KIRREL3: variants seen among roughly 807,000 people sequenced by gnomAD.
The protein encoded by KIRREL3 is kirre like nephrin family adhesion molecule 3.
KIRREL3 carries 36 observed loss-of-function variants against 89.7 expected under a neutral mutation model. That is an observed-to-expected ratio of 0.40 (90% CI 0.31 to 0.53). KIRREL3 has a LOEUF of 0.53. Ranked by LOEUF, KIRREL3 falls within the 20% of genes least tolerant of loss-of-function variation. The pLI, the probability that KIRREL3 is intolerant of heterozygous loss-of-function variation, is 0.49. For synonymous variants in KIRREL3, 445 were observed against 441.4 expected (o/e 1.01, Z -0.10); for missense variants, 864 against 1,056.6 (o/e 0.82, Z 2.53).
intron 1 of KIRREL3, among the ~76,000 whole-genome samples, chr11:126,722,424 C>T (rs1948211600): frequency 6.6e-6 from 1 of 152,210 alleles, no homozygotes; most frequent in South Asian, 2.1e-4. Flanking sequence ...TTTATGTTTT[C>T]TGTTTAGCTC....
At chr11:126,852,512 C>G (rs1215818609) in intron 1 of KIRREL3, among the ~76,000 whole-genome samples, 1 of 152,120 alleles carries the variant, frequency 6.6e-6, no homozygotes, top group Admixed American at 6.6e-5. Flanking sequence ...CAACTATGTG[C>G]CATATATATA....
chr11:126,724,973 C>A lies in KIRREL3; in HGVS notation c.56-162061G>T, dbSNP rs1948322008. 6.6e-6 allele frequency among the ~76,000 whole-genome samples: 1 copy of A among 152,144 alleles called. No individual in the cohort carries two copies. Among genetic ancestry groups the A allele is most frequent in the Admixed American group, 6.5e-5 (1 of 15,280 alleles). On this transcript the variant is annotated intron_variant, in intron 1 of 16. Coordinates refer to ENST00000525144, the MANE Select transcript of KIRREL3 (RefSeq NM_032531.4). This position sits in a 1 kb window ranked among gnomAD's most constrained non-coding sequence, Gnocchi z 4.3. Reference sequence around the variant, plus strand: ...AGGAGTAGATATTCTTATTTCTGTTCTTCAGATGAAGAGACAGAGGTTCAG... The same window carrying A: ...AGGAGTAGATATTCTTATTTCTGTTATTCAGATGAAGAGACAGAGGTTCAG...
intron 1 of KIRREL3, among the ~76,000 whole-genome samples, chr11:126,798,800 CA>C (rs1565740562): frequency 6.6e-6 from 1 of 152,136 alleles, no homozygotes; most frequent in East Asian, 1.9e-4. Context: ...ACTGAGGAGG[CA>C]AAATGCTATA....
chr11:126,729,012 C>A lies in KIRREL3; in HGVS notation c.56-166100G>T, dbSNP rs959307972. 6.6e-6 allele frequency among the ~76,000 whole-genome samples: 1 copy of A among 152,148 alleles called. No individual in the cohort carries two copies. Among genetic ancestry groups the A allele is most frequent in the Non-Finnish European group, 1.5e-5 (1 of 68,034 alleles). On this transcript the variant is annotated intron_variant, in intron 1 of 16. Transcript: ENST00000525144. This position sits in a 1 kb window ranked among gnomAD's most constrained non-coding sequence, Gnocchi z 4.5. ...TGCTGAGGAGACCTTGAGGAGGAGGCTTTTGGGGCAGGCATGCCTGTTGCA... is the reference window on the plus strand; with the variant it reads ...TGCTGAGGAGACCTTGAGGAGGAGGATTTTGGGGCAGGCATGCCTGTTGCA...
chr11:126,633,952 A>G (rs527861299), intron 1 of KIRREL3, among the ~76,000 whole-genome samples: 2 of 152,324 alleles, frequency 1.3e-5, no homozygotes, highest in African/African-American at 4.8e-5. Context: ...CTCTTCATAC[A>G]GTATTTCTTA....
intron 5 of KIRREL3, among the ~76,000 whole-genome samples, chr11:126,467,867 A>T (rs1390394934): frequency 6.6e-6 from 1 of 152,236 alleles, no homozygotes; most frequent in South Asian, 2.1e-4. Context: ...CTAGGCCCCT[A>T]AGCTGGGCAG....
In KIRREL3 at chr11:126,557,172, C is replaced by G. The variant is rs1215688981; in HGVS notation, c.133+5663G>C. ...CCAAGGACCCTGGCCTGCTGCTTCCCCTCTGCCCTGAGAAAAGCACAGCTC... is the reference window on the plus strand; with the variant it reads ...CCAAGGACCCTGGCCTGCTGCTTCCGCTCTGCCCTGAGAAAAGCACAGCTC... On this transcript the variant is annotated intron_variant, in intron 2 of 16. Transcript: ENST00000525144. The surrounding 1 kb of genome is among the most constrained non-coding windows in gnomAD (Gnocchi z 5.6). Among the ~76,000 whole-genome samples, 1 of 152,164 alleles carries G rather than the reference C, an allele frequency of 6.6e-6. No homozygotes were observed. Among genetic ancestry groups the G allele is most frequent in the East Asian group, 1.9e-4 (1 of 5,188 alleles).
intron 5 of KIRREL3, among the ~76,000 whole-genome samples, chr11:126,466,952 C>A (rs1956743690): frequency 6.6e-6 from 1 of 152,234 alleles, no homozygotes; most frequent in Non-Finnish European, 1.5e-5. Flanking sequence ...GTGCTGCCAG[C>A]CCCCGGCTCG....
At position 126,664,853 on chromosome 11, in the gene KIRREL3, T is replaced by C. The variant is rs1945584071; in HGVS notation, c.56-101941A>G. Among the ~76,000 whole-genome samples the C allele has an allele frequency of 6.6e-6, 1 of 152,204 alleles. No homozygotes were observed. Among genetic ancestry groups the C allele is most frequent in the South Asian group, 2.1e-4 (1 of 4,828 alleles). On this transcript the variant is annotated intron_variant, in intron 1 of 16. Transcript: ENST00000525144. This position sits in a 1 kb window ranked among gnomAD's most constrained non-coding sequence, Gnocchi z 5.4. ...CTTGTGCCCTTAGACAGGGGGGCAT[T>C]CCCTGCCTCAACCACAGGTAGCTGG...
rs1045310202 is a variant in KIRREL3 at position 126,569,546 on chromosome 11, C to A, written c.56-6634G>T. Reference sequence around the variant, plus strand: ...AAAAAATAGTAGGCAAACTTCCTAGCCCAAAGATACTATAATCCAGTTGGC... The same window carrying A: ...AAAAAATAGTAGGCAAACTTCCTAGACCAAAGATACTATAATCCAGTTGGC... On this transcript the variant is annotated intron_variant, in intron 1 of 16. Coordinates refer to ENST00000525144, the MANE Select transcript of KIRREL3 (RefSeq NM_032531.4). The surrounding 1 kb of genome is among the most constrained non-coding windows in gnomAD (Gnocchi z 6.5). Among the ~76,000 whole-genome samples the A allele has an allele frequency of 3.3e-5, 5 of 152,150 alleles. No homozygotes were observed. The highest frequency in any genetic ancestry group is 1.2e-4 in the African/African-American group (5 of 41,426).
At chr11:126,939,810 G>A (rs1007178707) in intron 1 of KIRREL3, among the ~76,000 whole-genome samples, 1 of 152,108 alleles carries the variant, frequency 6.6e-6, no homozygotes, top group African/African-American at 2.4e-5. Context: ...CACCATGAAT[G>A]TAATGAATCT....
At chr11:126,472,469 C>T (rs1956921851) in intron 5 of KIRREL3, among the ~76,000 whole-genome samples, 1 of 152,106 alleles carries the variant, frequency 6.6e-6, no homozygotes, top group Non-Finnish European at 1.5e-5. Context: ...GGCACTGATC[C>T]CATTTATGAA....
At chr11:126,434,899 C>T (rs942274521) in intron 13 of KIRREL3, among the ~76,000 whole-genome samples, 1 of 152,002 alleles carries the variant, frequency 6.6e-6, no homozygotes, top group African/African-American at 2.4e-5. Context: ...CGGGAAGGGT[C>T]GGAGAGAGCC....
chr11:126,925,066 T>C (rs1947644235), intron 1 of KIRREL3, among the ~76,000 whole-genome samples: 1 of 140,144 alleles, frequency 7.1e-6, no homozygotes, highest in South Asian at 2.5e-4. Flanking sequence ...ATGTACACTT[T>C]TGCACAGCTT....
rs769493937 is a variant in KIRREL3, at chr11:126,489,439, G to A, written c.434-15973C>T. Among the ~76,000 whole-genome samples the A allele has an allele frequency of 1.3e-5, 2 of 152,146 alleles. No individual in the cohort carries two copies. The highest frequency in any genetic ancestry group is 2.4e-5 in the African/African-American group (1 of 41,432). On this transcript the variant is annotated intron_variant, in intron 4 of 16. Transcript: ENST00000525144. The surrounding 1 kb of genome is among the most constrained non-coding windows in gnomAD (Gnocchi z 5.5). ...TTCCAGAGGGGATACTTTGGGAGGCGCAGATCTAGGACACATTGATAAGCA... is the reference window on the plus strand; with the variant it reads ...TTCCAGAGGGGATACTTTGGGAGGCACAGATCTAGGACACATTGATAAGCA...
intron 4 of KIRREL3, among the ~76,000 whole-genome samples, chr11:126,504,231 G>C (rs1480483481): frequency 1.3e-5 from 2 of 152,120 alleles, no homozygotes; most frequent in Non-Finnish European, 2.9e-5. Context: ...ATTCCAGCCT[G>C]AGTCCCTCAT....
At chr11:126,616,399 G>C (rs1229363180) in intron 1 of KIRREL3, among the ~76,000 whole-genome samples, 1 of 152,174 alleles carries the variant, frequency 6.6e-6, no homozygotes, top group Non-Finnish European at 1.5e-5. Context: ...TAACTTGAAA[G>C]AAAATTAAGT....
chr11:126,732,470 T>C (rs1343346115), intron 1 of KIRREL3, among the ~76,000 whole-genome samples: 1 of 152,118 alleles, frequency 6.6e-6, no homozygotes, highest in East Asian at 1.9e-4. Flanking sequence ...ACCCTAGCGC[T>C]CTCTGGTCAA....
In KIRREL3 at chr11:126,683,495, C is replaced by T. The variant is rs1174227399; in HGVS notation, c.56-120583G>A. ...TCTCTGCATGACTTTAGGAAAGTCA[C>T]TAGACTTCTTTAACCATTTCTTTCT... is the stretch of plus-strand genomic sequence containing the variant. On this transcript the variant is annotated intron_variant, in intron 1 of 16. Coordinates refer to ENST00000525144, the MANE Select transcript of KIRREL3 (RefSeq NM_032531.4). This position sits in a 1 kb window ranked among gnomAD's most constrained non-coding sequence, Gnocchi z 5.2. 1.3e-5 allele frequency among the ~76,000 whole-genome samples: 2 copies of T among 152,206 alleles called. No homozygotes were observed. Among genetic ancestry groups the T allele is most frequent in the Non-Finnish European group, 2.9e-5 (2 of 68,050 alleles).
Sources: allele counts gnomAD v4.1 joint callset (sites outside exome capture counted in the v4.1 genomes callset), GRCh38; gene constraint gnomAD v4.1.1; non-coding constraint Gnocchi (gnomAD v3.1); transcripts MANE v1.5; gene names NCBI Gene and HGNC (gene_info 2026-07-23, HGNC 2026-07-21).